Variants in ATE1 observed in about 807,000 individuals in gnomAD.
The protein encoded by ATE1 is arginyltransferase 1.
A neutral mutation model predicts 70.5 loss-of-function variants in ATE1; 36 were observed. The ratio of observed to expected loss-of-function variants is 0.51; its 90% CI spans 0.39 to 0.67. The LOEUF is 0.67. ATE1 is among the 30% of genes least tolerant of loss of function. The pLI is 0.00. For missense variants in ATE1, 593 were observed against 629.5 expected (o/e 0.94, Z 0.62); for synonymous variants, 232 against 219.3 (o/e 1.06, Z -0.51).
At chr10:121,925,670 T>C (rs543799519) in intron 1 of ATE1, among the ~76,000 whole-genome samples, 1 of 151,870 alleles carries the variant, frequency 6.6e-6, no homozygotes, top group South Asian at 2.1e-4. Flanking sequence ...GGTCAGGAGT[T>C]CAAGACCAGC....
At chr10:121,809,035 T>C (rs754606285) in intron 10 of ATE1, among the ~76,000 whole-genome samples, 4 of 152,238 alleles carry the variant, frequency 2.6e-5, no homozygotes, top group Non-Finnish European at 5.9e-5. Flanking sequence ...CTCCCAAATG[T>C]TGACATGTTT....
intron 7 of ATE1, among the ~76,000 whole-genome samples, chr10:121,876,090 AT>A (rs779401880): frequency 2.8e-4 from 42 of 152,186 alleles, no homozygotes; most frequent in Non-Finnish European, 3.5e-4. Flanking sequence ...TCAATGAATT[AT>A]TCGCCCTTTT....
upstream of ATE1, chr10:121,928,422 C>T (rs868556751): frequency 6.6e-7 from 1 of 1,522,550 alleles, no homozygotes; most frequent in Non-Finnish European, 8.8e-7. Context: ...TATTCCACCA[C>T]CGACGCCATG....
chr10:121,750,357 C>A (rs918427702), intron 11 of ATE1, among the ~76,000 whole-genome samples: 1 of 152,214 alleles, frequency 6.6e-6, no homozygotes, highest in Non-Finnish European at 1.5e-5. Context: ...CCAACTAGAA[C>A]TTCTTCCACT....
chr10:121,815,053 G>A (rs1300276662), intron 10 of ATE1, among the ~76,000 whole-genome samples: 2 of 152,148 alleles, frequency 1.3e-5, no homozygotes, highest in Non-Finnish European at 2.9e-5. Context: ...ACAATGGCCA[G>A]AAAAACAATG....
At chr10:121,912,999 C>T (rs2134457481) in intron 4 of ATE1, among the ~76,000 whole-genome samples, 1 of 152,204 alleles carries the variant, frequency 6.6e-6, no homozygotes, top group South Asian at 2.1e-4. Flanking sequence ...CCTGCCTCAA[C>T]CTCCCAAGTA....
chr10:121,927,785 C>T (rs1039611200), intron 1 of ATE1, 59 bp downstream of exon 1: 2 of 1,508,434 alleles, frequency 1.3e-6, no homozygotes, highest in Middle Eastern at 2.4e-4. Context: ...GCTGGGGGAC[C>T]CTGGGATCCC....
intron 7 of ATE1, among the ~76,000 whole-genome samples, chr10:121,876,832 G>A (rs982360083): frequency 7.2e-5 from 11 of 152,160 alleles, no homozygotes; most frequent in Non-Finnish European, 1.6e-4. Context: ...CGGGCGTGGT[G>A]GCGGGCGCCT....
Position 121,746,925 on chromosome 10 carries a change from C to T in ATE1, c.1379-3067G>A, listed in dbSNP as rs755351405. 2.0e-5 allele frequency among the ~76,000 whole-genome samples: 3 copies of T among 152,310 alleles called. No individual in the cohort carries two copies. The South Asian group carries it at 6.2e-4, about 32-fold the overall frequency. ...CTACTATATGAATTTATTTCAGAGG[C>T]TTAGCTGATCTCAGTCATCTTAGAG... is the stretch of plus-strand genomic sequence containing the variant. On this transcript the variant is annotated intron_variant, in intron 11 of 11. Coordinates refer to ENST00000224652, the MANE Select transcript of ATE1 (RefSeq NM_001001976.3).
intron 11 of ATE1, among the ~76,000 whole-genome samples, chr10:121,758,783 T>C (rs1944913377): frequency 6.6e-6 from 1 of 152,202 alleles, no homozygotes; most frequent in Admixed American, 6.5e-5. Context: ...AATTTTCTCA[T>C]TATTATTATA....
At chr10:121,829,367 T>C (rs936739387) in intron 10 of ATE1, among the ~76,000 whole-genome samples, 1 of 151,236 alleles carries the variant, frequency 6.6e-6, no homozygotes, top group African/African-American at 2.4e-5. Flanking sequence ...GAGGTTGCAG[T>C]GAGCAGAGAT....
chr10:121,837,122 A>C (rs1422483852), intron 9 of ATE1, among the ~76,000 whole-genome samples: 1 of 152,240 alleles, frequency 6.6e-6, no homozygotes, highest in South Asian at 2.1e-4. Flanking sequence ...GTTATTATTC[A>C]TCATGCCCTA....
intron 11 of ATE1, among the ~76,000 whole-genome samples, chr10:121,747,477 C>T (rs746489029): frequency 5.9e-5 from 9 of 152,166 alleles, no homozygotes; most frequent in Non-Finnish European, 1.3e-4. Context: ...CATGGCTCTG[C>T]TTTTTGGAAG....
chr10:121,817,494 A>C (rs1388945959), intron 10 of ATE1, among the ~76,000 whole-genome samples: 1 of 151,438 alleles, frequency 6.6e-6, no homozygotes, highest in Non-Finnish European at 1.5e-5. Context: ...AGCCAAGATC[A>C]CGCCACTGCA....
chr10:121,778,463 G>A (rs1236045179), intron 11 of ATE1, among the ~76,000 whole-genome samples: 2 of 151,208 alleles, frequency 1.3e-5, no homozygotes, highest in Admixed American at 1.3e-4. Flanking sequence ...GGGGTTGGCA[G>A]CATTAGAACC....
intron 3 of ATE1, among the ~76,000 whole-genome samples, chr10:121,915,438 GA>G (rs1305931163): frequency 6.6e-6 from 1 of 151,926 alleles, no homozygotes; most frequent in Non-Finnish European, 1.5e-5. Context: ...AAATGGAGGT[GA>G]AAAGATAGAA....
chr10:121,889,015 T>G (rs12251175), intron 7 of ATE1, among the ~76,000 whole-genome samples: 20,034 of 152,044 alleles, frequency 0.13, 1,516 homozygotes, highest in East Asian at 0.19. Flanking sequence ...ATCAACTTAT[T>G]TATTTATTTA....
At chr10:121,750,809 G>A (rs1944549244) in intron 11 of ATE1, among the ~76,000 whole-genome samples, 1 of 152,218 alleles carries the variant, frequency 6.6e-6, no homozygotes, top group Admixed American at 6.5e-5. Context: ...GCAGATGGCT[G>A]GAGATAGCTG....
intron 10 of ATE1, among the ~76,000 whole-genome samples, chr10:121,797,143 C>T (rs977323843): frequency 7.9e-5 from 12 of 152,144 alleles, no homozygotes; most frequent in Non-Finnish European, 1.5e-4. Flanking sequence ...AGCAGAGATA[C>T]TTTAAAGTCG....
Sources: allele counts gnomAD v4.1 joint callset (sites outside exome capture counted in the v4.1 genomes callset), GRCh38; gene constraint gnomAD v4.1.1; transcripts MANE v1.5; gene names NCBI Gene and HGNC (gene_info 2026-07-23, HGNC 2026-07-21).